Variants in SRPK1 observed in about 807,000 individuals in gnomAD.
SRPK1 encodes the protein SRSF protein kinase 1.
Under a neutral mutation model 89.5 loss-of-function variants are expected in SRPK1, and 52 were observed. The ratio of observed to expected loss-of-function variants is 0.58; its 90% CI spans 0.46 to 0.73. The LOEUF (loss-of-function observed/expected upper bound fraction) is 0.73. Ranked by LOEUF, SRPK1 falls within the 30% of genes least tolerant of loss-of-function variation. The probability of loss-of-function intolerance (pLI) is 0.00; values close to 1 mark genes in which losing one functional copy is unlikely to be tolerated. For missense variants in SRPK1, 603 were observed against 780.6 expected (o/e 0.77, Z 2.71); for synonymous variants, 255 against 270.2 (o/e 0.94, Z 0.55).
At chr6:35,909,100 G>C (rs1770907969) in intron 2 of SRPK1, among the ~76,000 whole-genome samples, 1 of 152,210 alleles carries the variant, frequency 6.6e-6, no homozygotes. Context: ...GAGCTGTGAG[G>C]AGTGGGCCAC....
intron 6 of SRPK1, among the ~76,000 whole-genome samples, chr6:35,875,761 G>A (rs1263750546): frequency 2.0e-5 from 3 of 151,896 alleles, no homozygotes; most frequent in Non-Finnish European, 4.4e-5. Flanking sequence ...AAAGACTGTC[G>A]GGAAAAAGGA....
chr6:35,866,177 C>G (rs1769898661), intron 12 of SRPK1, among the ~76,000 whole-genome samples: 1 of 152,064 alleles, frequency 6.6e-6, no homozygotes, highest in African/African-American at 2.4e-5. Context: ...TTTCACCAAT[C>G]AGAGTGGCTA....
chr6:35,841,562 GA>G (rs1561965584), intron 14 of SRPK1, among the ~76,000 whole-genome samples: 16 of 152,134 alleles, frequency 1.1e-4, no homozygotes, highest in African/African-American at 3.6e-4. Context: ...GGCTGAGCGT[GA>G]TGGCTCACGC....
chr6:35,907,701 G>A (rs1255366887), intron 2 of SRPK1, among the ~76,000 whole-genome samples: 3 of 138,192 alleles, frequency 2.2e-5, no homozygotes, highest in East Asian at 3.9e-4. Context: ...ACAAAACTCC[G>A]TCTCAAAAAA....
intron 2 of SRPK1, among the ~76,000 whole-genome samples, chr6:35,905,794 G>T (rs895780253): frequency 6.6e-6 from 1 of 152,312 alleles, no homozygotes; most frequent in South Asian, 2.1e-4. Flanking sequence ...TTCAGCGTGG[G>T]AGAAAGAAGA....
At chr6:35,892,698 C>CACAAAACAAA (rs71833999) in intron 2 of SRPK1, among the ~76,000 whole-genome samples, 3 of 149,912 alleles carry the variant, frequency 2.0e-5, no homozygotes, top group Non-Finnish European at 4.4e-5. Context: ...ACGACAACAA[C>CACAAAACAAA]ACAAAACAAA....
At chr6:35,874,474 A>T in intron 6 of SRPK1, 135 bp from the exon 7 acceptor site, 1 of 637,588 alleles carries the variant, frequency 1.6e-6, no homozygotes, top group Non-Finnish European at 2.8e-6. Flanking sequence ...ATGAATAAAT[A>T]TGTAGCTGTT....
chr6:35,853,677 C>A (rs1769604396), intron 13 of SRPK1, among the ~76,000 whole-genome samples: 1 of 152,154 alleles, frequency 6.6e-6, no homozygotes, highest in African/African-American at 2.4e-5. Flanking sequence ...AAATCCTGCC[C>A]TGAATTTCAG....
chr6:35,916,225 C>CAAATAAATAAATAAATAAAT (rs34486563), intron 2 of SRPK1, among the ~76,000 whole-genome samples: 1 of 143,102 alleles, frequency 7.0e-6, no homozygotes, highest in Non-Finnish European at 1.5e-5. Flanking sequence ...GACTCTGCCT[C>CAAATAAATAAATAAATAAAT]AAATAAATAA....
intron 2 of SRPK1, among the ~76,000 whole-genome samples, chr6:35,892,684 A>AACAACAACG (rs1554154119): frequency 1.4e-5 from 2 of 146,976 alleles, no homozygotes; most frequent in Non-Finnish European, 3.0e-5. Context: ...CAACAACAAC[A>AACAACAACG]ACAACGACAA....
chr6:35,901,765 T>C (rs773517343), intron 2 of SRPK1, among the ~76,000 whole-genome samples: 1 of 152,104 alleles, frequency 6.6e-6, no homozygotes, highest in African/African-American at 2.4e-5. Flanking sequence ...TCCCACTACC[T>C]TTTCCATATA....
chr6:35,915,419 A>AAAG (rs1392635748), intron 2 of SRPK1, among the ~76,000 whole-genome samples: 4 of 151,660 alleles, frequency 2.6e-5, no homozygotes, highest in Non-Finnish European at 4.4e-5. Flanking sequence ...AAAAAAAAAA[A>AAAG]AAAAAGAAAA....
chr6:35,884,194 T>G (rs887817956), intron 6 of SRPK1, among the ~76,000 whole-genome samples: 2 of 152,022 alleles, frequency 1.3e-5, no homozygotes, highest in African/African-American at 4.8e-5. Context: ...AAAAAAAAAG[T>G]ATCCTAAAGA....
chr6:35,921,021 G>T, intron 1 of SRPK1, 23 bp downstream of exon 1: 1 of 1,542,192 alleles, frequency 6.5e-7, no homozygotes. Context: ...GCCCCTCGTG[G>T]CGGAGGCCGC....
intron 12 of SRPK1, among the ~76,000 whole-genome samples, chr6:35,865,329 A>C (rs557754212): frequency 6.6e-6 from 1 of 152,244 alleles, no homozygotes; most frequent in African/African-American, 2.4e-5. Context: ...TGTACCCATT[A>C]AAAATTAAAA....
intron 7 of SRPK1, 35 bp downstream of exon 7, chr6:35,874,198 C>G: frequency 1.4e-6 from 2 of 1,479,748 alleles, no homozygotes; most frequent in Non-Finnish European, 1.9e-6. Flanking sequence ...ACTACATAGT[C>G]AAGACTAAGA....
At chr6:35,851,768 A>G (rs995489944) in intron 13 of SRPK1, among the ~76,000 whole-genome samples, 3 of 152,232 alleles carry the variant, frequency 2.0e-5, no homozygotes, top group African/African-American at 7.2e-5. Flanking sequence ...GGCTAGAGAC[A>G]TCATGGGACT....
intron 12 of SRPK1, among the ~76,000 whole-genome samples, chr6:35,862,247 G>A (rs1227567603): frequency 6.6e-6 from 1 of 151,958 alleles, no homozygotes; most frequent in African/African-American, 2.4e-5. Context: ...CACTAACACT[G>A]GAATCAACGC....
At chr6:35,892,464 C>T (rs2127258887) in intron 2 of SRPK1, among the ~76,000 whole-genome samples, 1 of 152,084 alleles carries the variant, frequency 6.6e-6, no homozygotes, top group African/African-American at 2.4e-5. Flanking sequence ...CCAGCCTGGC[C>T]AACATAAAGA....
Sources: gnomAD v4.1 joint callset for allele counts (sites outside exome capture counted in the v4.1 genomes callset) on GRCh38, gnomAD v4.1.1 for gene constraint, MANE v1.5 for transcripts, NCBI Gene and HGNC (gene_info 2026-07-23, HGNC 2026-07-21) for gene names.